Variants in SLC9D1 observed in about 807,000 individuals in gnomAD.
The protein encoded by SLC9D1 is solute carrier family 9 member D1, also known as putative LAG1-interacting protein.
chr13:113,541,458 C>T, the SLC9D1 span, among the ~76,000 whole-genome samples: 3 of 140,056 alleles, frequency 2.1e-5, no homozygotes, highest in African/African-American at 2.9e-5. Context: ...GATACGCACA[C>T]GATCGCTGAT....
the SLC9D1 span, among the ~76,000 whole-genome samples, chr13:113,506,897 G>T: frequency 6.6e-6 from 1 of 152,118 alleles, no homozygotes; most frequent in Admixed American, 6.5e-5. Flanking sequence ...GCTTCCGAGG[G>T]TTTGCACCCG....
the SLC9D1 span, among the ~76,000 whole-genome samples, chr13:113,499,076 G>A: frequency 6.6e-6 from 1 of 152,222 alleles, no homozygotes; most frequent in Non-Finnish European, 1.5e-5. Flanking sequence ...CGGTTTACTA[G>A]AACAGAGGGT....
At chr13:113,493,066 A>C in the SLC9D1 span, among the ~76,000 whole-genome samples, 1 of 152,188 alleles carries the variant, frequency 6.6e-6, no homozygotes, top group East Asian at 1.9e-4. Flanking sequence ...AGTTTGAATA[A>C]AGGTGATTTG....
At chr13:113,547,059 G>T in the SLC9D1 span, 2 of 515,742 alleles carry the variant, frequency 3.9e-6, no homozygotes, top group Non-Finnish European at 7.0e-6. Context: ...GAGGCCTGTT[G>T]CAGGGAGTGG....
At chr13:113,549,818 T>C in the SLC9D1 span, 1 of 583,650 alleles carries the variant, frequency 1.7e-6, no homozygotes, top group African/African-American at 1.9e-5. Context: ...TGTGCCTTTT[T>C]TTTTTTTCCC....
At chr13:113,525,695 G>C in the SLC9D1 span, among the ~76,000 whole-genome samples, 1 of 151,692 alleles carries the variant, frequency 6.6e-6, no homozygotes, top group Non-Finnish European at 1.5e-5. Context: ...TGTTATTCTA[G>C]AACAAGCCAT....
At chr13:113,519,593 G>A in the SLC9D1 span, among the ~76,000 whole-genome samples, 2 of 152,182 alleles carry the variant, frequency 1.3e-5, no homozygotes, top group Admixed American at 6.5e-5. Flanking sequence ...CTCGTGAGCC[G>A]GTGTTTGTCT....
At chr13:113,512,966 C>T in the SLC9D1 span, among the ~76,000 whole-genome samples, 6 of 151,956 alleles carry the variant, frequency 3.9e-5, no homozygotes, top group African/African-American at 1.2e-4. Context: ...CCCCAGGGGC[C>T]GAGACTGGAA....
chr13:113,549,211 G>A, the SLC9D1 span, among the ~76,000 whole-genome samples: 2 of 151,966 alleles, frequency 1.3e-5, no homozygotes, highest in African/African-American at 2.4e-5. Flanking sequence ...ATGTGCAGGC[G>A]TCCCTCCCAG....
chr13:113,496,002 G>T, the SLC9D1 span: 38 of 1,611,696 alleles, frequency 2.4e-5, no homozygotes, highest in Non-Finnish European at 3.1e-5. Flanking sequence ...GCGCCTGGAG[G>T]CCCTGAGAGA....
the SLC9D1 span, among the ~76,000 whole-genome samples, chr13:113,523,816 T>A: frequency 6.6e-6 from 1 of 152,258 alleles, no homozygotes; most frequent in Non-Finnish European, 1.5e-5. Context: ...ATATGTTGTA[T>A]TTTTATTTTC....
At chr13:113,502,995 G>C in the SLC9D1 span, among the ~76,000 whole-genome samples, 1 of 152,256 alleles carries the variant, frequency 6.6e-6, no homozygotes, top group African/African-American at 2.4e-5. Flanking sequence ...GGCTCGCCTT[G>C]GCAGAATGGC....
At chr13:113,524,074 A>G in the SLC9D1 span, 9 of 455,706 alleles carry the variant, frequency 2.0e-5, no homozygotes, top group African/African-American at 1.0e-4. Flanking sequence ...TGGGAGGAAA[A>G]AAAAGTGTAT....
chr13:113,544,638 G>C, the SLC9D1 span, among the ~76,000 whole-genome samples: 1 of 152,246 alleles, frequency 6.6e-6, no homozygotes, highest in Admixed American at 6.5e-5. Flanking sequence ...TCACCGTTGT[G>C]GGGGCTGGAA....
chr13:113,510,529 T>TTCC, the SLC9D1 span: 5 of 1,083,330 alleles, frequency 4.6e-6, no homozygotes, highest in East Asian at 1.2e-4. Flanking sequence ...AAAGTCTTAT[T>TTCC]TCCCCTCTTA....
At chr13:113,544,171 C>A in the SLC9D1 span, among the ~76,000 whole-genome samples, 3 of 152,344 alleles carry the variant, frequency 2.0e-5, no homozygotes, top group African/African-American at 7.2e-5. Flanking sequence ...CAGCCACAGC[C>A]ACAGCCACAG....
the SLC9D1 span, chr13:113,495,699 GGGGTGGCTGCCATGC>G: frequency 3.7e-6 from 6 of 1,612,740 alleles, no homozygotes; most frequent in East Asian, 1.3e-4. Flanking sequence ...CCGCGGGCGA[GGGGTGGCTGCCATGC>G]AGAGCCGGCA....
chr13:113,521,492 CTG>C, the SLC9D1 span, among the ~76,000 whole-genome samples: 9 of 150,196 alleles, frequency 6.0e-5, no homozygotes, highest in South Asian at 2.1e-4. Flanking sequence ...TGGGGTATAT[CTG>C]TGTGTTGCAT....
the SLC9D1 span, chr13:113,520,617 C>A: frequency 2.5e-6 from 4 of 1,608,326 alleles, no homozygotes; most frequent in Non-Finnish European, 3.4e-6. Context: ...CCCCCACAGG[C>A]GACATTGACT....
Sources: allele counts gnomAD v4.1 joint callset (sites outside exome capture counted in the v4.1 genomes callset), GRCh38; gene constraint gnomAD v4.1.1; transcripts MANE v1.5; gene names NCBI Gene and HGNC (gene_info 2026-07-23, HGNC 2026-07-21).